The following TTBK1 variants were observed in gnomAD, a reference collection of about 807,000 sequenced individuals.
The protein encoded by TTBK1 is tau tubulin kinase 1.
Under a neutral mutation model 108.5 loss-of-function variants are expected in TTBK1, and 34 were observed. That is an observed-to-expected ratio of 0.31 (90% CI 0.24 to 0.42). TTBK1 has a LOEUF of 0.42. Among genes scored for constraint, TTBK1 ranks in the 10% least tolerant of loss-of-function variants. The pLI is 1.00. For missense variants in TTBK1, 1,539 were observed against 1,826.0 expected (o/e 0.84, Z 2.86); for synonymous variants, 809 against 795.1 (o/e 1.02, Z -0.29).
chr6:43,268,887 C>T (rs796454251), intron 13 of TTBK1, among the ~76,000 whole-genome samples: 25 of 152,348 alleles, frequency 1.6e-4, no homozygotes, highest in African/African-American at 5.8e-4. Context: ...TAAAATAGCT[C>T]AGTGAAGAGC....
In TTBK1 at chr6:43,253,274, A is replaced by G; in HGVS notation, c.257-17A>G. 6.2e-7 allele frequency: 1 copy of G among 1,613,932 alleles called. No individual in the cohort carries two copies. The highest frequency in any genetic ancestry group is 2.2e-5 in the East Asian group (1 of 44,884). On this transcript the variant is annotated splice_polypyrimidine_tract_variant and intron_variant, in intron 3 of 14. Transcript: ENST00000259750. The surrounding 1 kb of genome is among the most constrained non-coding windows in gnomAD (Gnocchi z 5.8). Reference sequence around the variant, plus strand: ...AGAAAGAGTAAGAGCTGGAAGACCTATGTCTGTGCCCCTCAGGGAAGGACC... The same window carrying G: ...AGAAAGAGTAAGAGCTGGAAGACCTGTGTCTGTGCCCCTCAGGGAAGGACC...
rs1382447535 is a variant in TTBK1 at position 43,243,883 on chromosome 6, C to CCGCT, written c.-55+177_-55+180dup. Among the ~76,000 whole-genome samples the CCGCT allele has an allele frequency of 6.6e-6, 1 of 152,128 alleles. No individual in the cohort carries two copies. The highest frequency in any genetic ancestry group is 2.4e-5 in the African/African-American group (1 of 41,436). On this transcript the variant is annotated intron_variant, in intron 1 of 14. Transcript: ENST00000259750. The surrounding 1 kb of genome is among the most constrained non-coding windows in gnomAD (Gnocchi z 5.5). Reference sequence around the variant, plus strand: ...GCCTGGGCCGCGCCGAGGCCTGGAGCCGCTCCCTGTCCCCAGCACACAGAC... The same window carrying CCGCT: ...GCCTGGGCCGCGCCGAGGCCTGGAGCCGCTCGCTCCCTGTCCCCAGCACACAGAC...
At chr6:43,280,927 G>A (rs112727266) in intron 13 of TTBK1, among the ~76,000 whole-genome samples, 155 of 152,276 alleles carry the variant, frequency 1.0e-3, no homozygotes, top group Middle Eastern at 3.4e-3. Flanking sequence ...GTGTGAGCTG[G>A]AAGATGCACT....
At chr6:43,255,964 A>AG in intron 9 of TTBK1, 108 bp downstream of exon 9, 1 of 1,413,228 alleles carries the variant, frequency 7.1e-7, no homozygotes, top group Non-Finnish European at 9.8e-7. Context: ...CTTGTCCCCA[A>AG]GCCTCTCCCC....
chr6:43,272,334 C>T, intron 13 of TTBK1: 1 of 985,458 alleles, frequency 1.0e-6, no homozygotes, highest in Non-Finnish European at 1.2e-6. Context: ...TCTAAGATCC[C>T]AAAGTGCCTT....
chr6:43,255,677 G>A (rs1416773674), intron 8 of TTBK1, 33 bp downstream of exon 8: 1 of 1,614,176 alleles, frequency 6.2e-7, no homozygotes, highest in Non-Finnish European at 8.5e-7. Context: ...TGAGGTGGCA[G>A]AAGGAGTGTC....
intron 2 of TTBK1, among the ~76,000 whole-genome samples, chr6:43,252,499 C>T (rs1408557822): frequency 2.6e-5 from 4 of 151,788 alleles, no homozygotes; most frequent in Admixed American, 2.0e-4. Context: ...TGGTGGTGTG[C>T]ACCTGTAGTC....
Position 43,276,049 on chromosome 6 carries a change from CG to C in TTBK1, c.1987-6674del. 6.6e-6 allele frequency among the ~76,000 whole-genome samples: 1 copy of C among 151,274 alleles called. No individual in the cohort carries two copies. The highest frequency in any genetic ancestry group is 2.1e-4 in the South Asian group (1 of 4,772). On this transcript the variant is annotated intron_variant, in intron 13 of 14. Coordinates refer to ENST00000259750, the MANE Select transcript of TTBK1 (RefSeq NM_032538.3). This position sits in a 1 kb window ranked among gnomAD's most constrained non-coding sequence, Gnocchi z 5.4. ...TGCGTAAGGAGACGCCTTCTAATTG[CG>C]GGGTGGGGGCGGAGTAGGGGAGGGA...
At position 43,285,081 on chromosome 6, in the gene TTBK1, G is replaced by A. The variant is rs778250595; in HGVS notation, c.3671G>A (p.Gly1224Glu). 1.5e-5 allele frequency: 23 copies of A among 1,490,254 alleles called. No homozygotes were observed. The East Asian group carries it at 6.7e-4, about 43-fold the overall frequency. The allele number at this position is 1,490,254 out of a possible 1,614,324, so 92.3% of individuals were successfully genotyped here. The change falls in exon 15 of 15, where the codon GGA (glycine) becomes GAA (glutamate). Residue 1224 changes from glycine to glutamate, a missense_variant. Transcript: ENST00000259750. The surrounding 1 kb of genome is among the most constrained non-coding windows in gnomAD (Gnocchi z 4.7). ...RGLGPGRAQA[G>E]ARPPAPRSPR... ...CTGGGCCCAGGGCGAGCCCAAGCCG[G>A]AGCCAGGCCCCCAGCGCCGCGCAGC...
chr6:43,251,122 T>C (rs889501924), intron 2 of TTBK1, among the ~76,000 whole-genome samples: 4 of 152,246 alleles, frequency 2.6e-5, no homozygotes, highest in African/African-American at 9.6e-5. Flanking sequence ...ATATCTTCCC[T>C]TCCTGCTCCT....
Position 43,259,578 on chromosome 6 carries a change from C to T in TTBK1, c.1296C>T (p.Ser432=). 1.2e-6 allele frequency: 2 copies of T among 1,607,472 alleles called. No homozygotes were observed. The highest frequency in any genetic ancestry group is 1.7e-6 in the Non-Finnish European group (2 of 1,177,182). ...EEQSRGMGVP[S]SPVRAPPDSP... ...AGAGCCGAGGCATGGGGGTCCCCAG[C>T]TCCCCAGTGCGTGCCCCCCCAGACT... Residue 432 remains serine (S), a synonymous_variant, in exon 12 of 15, where the codon AGC becomes AGT. Coordinates refer to ENST00000259750, the MANE Select transcript of TTBK1 (RefSeq NM_032538.3). The surrounding 1 kb of genome is among the most constrained non-coding windows in gnomAD (Gnocchi z 6.7).
chr6:43,246,373 C>G (rs1283994200), intron 1 of TTBK1, among the ~76,000 whole-genome samples: 4 of 152,206 alleles, frequency 2.6e-5, no homozygotes, highest in Non-Finnish European at 5.9e-5. Flanking sequence ...TGTCATTTTC[C>G]TCTTCTTCAT....
intron 10 of TTBK1, among the ~76,000 whole-genome samples, chr6:43,258,390 A>G (rs1173852838): frequency 1.3e-5 from 2 of 152,166 alleles, no homozygotes; most frequent in African/African-American, 2.4e-5. Flanking sequence ...TGACAGGCAC[A>G]AAGACAGAGG....
intron 13 of TTBK1, among the ~76,000 whole-genome samples, chr6:43,279,842 C>A (rs1341246151): frequency 3.9e-5 from 6 of 151,942 alleles, no homozygotes; most frequent in African/African-American, 1.5e-4. Flanking sequence ...GCGATCACAG[C>A]TCACTGCAGC....
Position 43,243,706 on chromosome 6 carries a change from C to CAGGTG in TTBK1, c.-55+2_-55+6dup. The CAGGTG allele has an allele frequency of 6.6e-6, 1 of 152,192 alleles. No individual in the cohort carries two copies. Among genetic ancestry groups the CAGGTG allele is most frequent in the South Asian group, 1.8e-4 (1 of 5,432 alleles). The allele number at this position is 152,192 out of a possible 1,614,324, so 9.4% of individuals were successfully genotyped here. On this transcript the variant is annotated splice_region_variant and 5_prime_UTR_variant, in exon 1 of 15. It removes the in-frame stop codon of an upstream open reading frame in the 5' UTR. Coordinates refer to ENST00000259750, the MANE Select transcript of TTBK1 (RefSeq NM_032538.3). This position sits in a 1 kb window ranked among gnomAD's most constrained non-coding sequence, Gnocchi z 5.5. ...AGCCGCAGCCGCAGCGGGCACAGAGCAGGTGAGGCGGGGCGGGGCGGGCCG... is the reference window on the plus strand; with the variant it reads ...AGCCGCAGCCGCAGCGGGCACAGAGCAGGTGAGGTGAGGCGGGGCGGGGCGGGCCG...
chr6:43,261,755 C>T (rs1308810047), intron 12 of TTBK1, among the ~76,000 whole-genome samples: 1 of 138,558 alleles, frequency 7.2e-6, no homozygotes, highest in East Asian at 2.1e-4. Context: ...GTGGAGGTTA[C>T]AGTGAGCCAA....
In TTBK1 at chr6:43,259,007, C is replaced by T. The variant is rs1412986805; in HGVS notation, c.1017-31C>T. ...GGAAGGAGAGGGCACCCCTGCCAGCCTTGCCCATGGCTCCCTCCTGCCCTC... is the reference window on the plus strand; with the variant it reads ...GGAAGGAGAGGGCACCCCTGCCAGCTTTGCCCATGGCTCCCTCCTGCCCTC... On this transcript the variant is annotated intron_variant, in intron 10 of 14. Coordinates refer to ENST00000259750, the MANE Select transcript of TTBK1 (RefSeq NM_032538.3). The surrounding 1 kb of genome is among the most constrained non-coding windows in gnomAD (Gnocchi z 6.7). The T allele has an allele frequency of 3.2e-6, 5 of 1,558,778 alleles. No homozygotes were observed. Among genetic ancestry groups the T allele is most frequent in the Non-Finnish European group, 4.4e-6 (5 of 1,142,064 alleles).
In TTBK1 at chr6:43,255,133, G is replaced by A. The variant is rs1265304677; in HGVS notation, c.642+19G>A. 1.4e-6 allele frequency: 2 copies of A among 1,438,080 alleles called. No individual in the cohort carries two copies. The highest frequency in any genetic ancestry group is 2.9e-5 in the African/African-American group (2 of 69,032). The allele number at this position is 1,438,080 out of a possible 1,614,324, so 89.1% of individuals were successfully genotyped here. ...GAACCGGGTGAGTGGCAAAGCCCGG[G>A]ATGCAGGATGTGGAGGTGGGAGGGG... On this transcript the variant is annotated intron_variant, in intron 7 of 14. Transcript: ENST00000259750.
At chr6:43,277,808 G>T (rs976511943) in intron 13 of TTBK1, among the ~76,000 whole-genome samples, 36 of 152,206 alleles carry the variant, frequency 2.4e-4, no homozygotes, top group Non-Finnish European at 7.4e-5. Context: ...GCTGACAGAG[G>T]TGATGCAGGC....
Sources: gnomAD v4.1 joint callset for allele counts (sites outside exome capture counted in the v4.1 genomes callset) on GRCh38, gnomAD v4.1.1 for gene constraint, Gnocchi (gnomAD v3.1) non-coding constraint, MANE v1.5 for transcripts, NCBI Gene and HGNC (gene_info 2026-07-23, HGNC 2026-07-21) for gene names.